FSIP2: variants seen among roughly 807,000 people sequenced by gnomAD.
The protein encoded by FSIP2 is fibrous sheath-interacting protein 2.
FSIP2 carries 367 observed loss-of-function variants against 510.5 expected under a neutral mutation model. That is an observed-to-expected ratio of 0.72 (90% CI 0.66 to 0.78). FSIP2 has a LOEUF of 0.78. Ranked by LOEUF, FSIP2 falls within the 30% of genes least tolerant of loss-of-function variation. FSIP2 has a pLI of 0.00. For missense variants in FSIP2, 7,594 were observed against 7,901.7 expected (o/e 0.96, Z 1.48); for synonymous variants, 2,601 against 2,732.2 (o/e 0.95, Z 1.50).
Position 185,805,096 on chromosome 2 carries a change from A to G in FSIP2, c.15790A>G (p.Lys5264Glu). ...TGTCTCTGAACTTGCTAAATCTGGT[A>G]AAGAAAAGACACAGCCTTCTCTCTA... ...DHVSELAKSG[K>E]EKTQPSLYSA... Residue 5264 changes from lysine to glutamate, a missense_variant, in exon 17 of 23, where the codon AAA becomes GAA. Lys to Glu is a moderately conservative substitution (Grantham distance 56). Transcript: ENST00000424728. 2 of 1,606,184 alleles carry G rather than the reference A, an allele frequency of 1.2e-6. No individual in the cohort carries two copies. The highest frequency in any genetic ancestry group is 1.7e-6 in the Non-Finnish European group (2 of 1,177,012).
rs745766639 is a variant in FSIP2 at position 185,789,819 on chromosome 2, AT to A, written c.2689del (p.Ser897ProfsTer9). 4 of 1,533,234 alleles carry A rather than the reference AT, an allele frequency of 2.6e-6. No individual in the cohort carries two copies. The highest frequency in any genetic ancestry group is 2.5e-5 in the East Asian group (1 of 40,810). The allele number at this position is 1,533,234 out of a possible 1,614,324, so 95.0% of individuals were successfully genotyped here. A position where few individuals can be genotyped will look rare whatever the true frequency, so the allele number is the denominator to read the frequency against. On this transcript the variant is annotated frameshift_variant, in exon 16 of 23. Transcript: ENST00000424728. LOFTEE classifies it high-confidence loss of function. ...NEEVQNLISN[I>X]FSQSSLVAYI... ...AGAAGTACAAAATTTAATATCAAAT[AT>A]TTTTTCCCAGTCTTCTTTGGTTGCT...
intron 13 of FSIP2, among the ~76,000 whole-genome samples, chr2:185,770,519 C>T (rs74434604): frequency 7.2e-5 from 11 of 152,234 alleles, no homozygotes; most frequent in Non-Finnish European, 1.3e-4. Flanking sequence ...AATCAGAACT[C>T]AGAGTGAGAA....
At chr2:185,739,022 C>T (rs1443964644) in intron 1 of FSIP2, 29 bp downstream of exon 1, 16 of 1,523,816 alleles carry the variant, frequency 1.0e-5, no homozygotes, top group South Asian at 6.0e-5. Context: ...GGCGGCGTCG[C>T]CCTCTGGCGG....
intron 14 of FSIP2, among the ~76,000 whole-genome samples, chr2:185,784,428 C>G (rs1692920383): frequency 6.6e-6 from 1 of 152,116 alleles, no homozygotes; most frequent in South Asian, 2.1e-4. Flanking sequence ...CAATGAATAA[C>G]TTTGACACCA....
chr2:185,762,722 C>T (rs975717172), intron 11 of FSIP2, among the ~76,000 whole-genome samples: 1 of 151,382 alleles, frequency 6.6e-6, no homozygotes, highest in Non-Finnish European at 1.5e-5. Flanking sequence ...CCCTTGTTTT[C>T]TCCATTCTTC....
At position 185,797,036 on chromosome 2, in the gene FSIP2, A is replaced by G; in HGVS notation, c.9900A>G (p.Leu3300=). ...SFIEMGKGEN[L]RVFHYENLKP... ...TAGAAATGGGAAAAGGTGAAAATCT[A>G]AGAGTGTTTCATTATGAGAACCTAA... Residue 3300 remains leucine, a synonymous_variant, in exon 16 of 23, where the codon CTA becomes CTG. Transcript: ENST00000424728. 2.0e-6 allele frequency: 3 copies of G among 1,535,180 alleles called. No individual in the cohort carries two copies. Among genetic ancestry groups the G allele is most frequent in the Non-Finnish European group, 2.6e-6 (3 of 1,146,234 alleles).
rs898954752 is a variant in FSIP2, at chr2:185,824,324, T to C, written c.20427-110T>C. On this transcript the variant is annotated intron_variant, in intron 19 of 22. Transcript: ENST00000424728. ...TGATTTGGAATCTCAGTGAATAGTA[T>C]ACTATTTCAGGTTTCTTTCCATATG... The C allele has an allele frequency of 7.5e-5, 55 of 731,472 alleles. No homozygotes were observed. In the Middle Eastern group the frequency reaches 1.5e-3, roughly 20 times the overall value. 45.3% of individuals were successfully genotyped at this position (731,472 alleles called of 1,614,324 possible).
At chr2:185,830,006 A>G (rs1694078737) in intron 21 of FSIP2, among the ~76,000 whole-genome samples, 1 of 151,918 alleles carries the variant, frequency 6.6e-6, no homozygotes, top group Non-Finnish European at 1.5e-5. Flanking sequence ...TCTTAATAGT[A>G]GTGCACACAT....
At position 185,815,491 on chromosome 2, in the gene FSIP2, T is replaced by A; in HGVS notation, c.20426+20T>A. On this transcript the variant is annotated intron_variant, in intron 19 of 22. Transcript: ENST00000424728. The stretch of plus-strand genomic sequence containing the variant: ...TACTGGGTATATGAAATTAAAGCAG[T>A]AGAAATATAGAAATCTGATAAAGTA... 9.2e-7 allele frequency: 1 copy of A among 1,083,646 alleles called. No individual in the cohort carries two copies. The highest frequency in any genetic ancestry group is 1.4e-6 in the Non-Finnish European group (1 of 739,836). 67.1% of individuals were successfully genotyped at this position (1,083,646 alleles called of 1,614,324 possible).
At chr2:185,768,233 T>C (rs1692536166) in intron 13 of FSIP2, among the ~76,000 whole-genome samples, 1 of 152,164 alleles carries the variant, frequency 6.6e-6, no homozygotes, top group South Asian at 2.1e-4. Flanking sequence ...TTTCTCACTT[T>C]ATTGTTTTAC....
rs1207843459 is a variant in FSIP2 at position 185,794,842 on chromosome 2, A to C, written c.7706A>C (p.Glu2569Ala). 6.5e-7 allele frequency: 1 copy of C among 1,531,912 alleles called. No individual in the cohort carries two copies. Among genetic ancestry groups the C allele is most frequent in the South Asian group, 1.2e-5 (1 of 83,638 alleles). 94.9% of individuals were successfully genotyped at this position (1,531,912 alleles called of 1,614,324 possible). ...AATAATAAAAGTAGGACAGAAGTTG[A>C]AATATCTGACCACAATGATTCCTTA... ...YENNKSRTEV[E>A]ISDHNDSLLM... Residue 2569 changes from glutamate to alanine, a missense_variant, in exon 16 of 23, where the codon GAA (glutamate) becomes GCA (alanine). Transcript: ENST00000424728.
intron 15 of FSIP2, among the ~76,000 whole-genome samples, chr2:185,787,609 A>C (rs1357874416): frequency 6.6e-6 from 1 of 151,800 alleles, no homozygotes; most frequent in Non-Finnish European, 1.5e-5. Flanking sequence ...ACTTTATTAT[A>C]TGTAAGATGA....
intron 14 of FSIP2, among the ~76,000 whole-genome samples, chr2:185,783,273 T>A (rs1334813731): frequency 6.6e-6 from 1 of 152,192 alleles, no homozygotes; most frequent in African/African-American, 2.4e-5. Flanking sequence ...GCCCAGGGAC[T>A]TTTCATTCTT....
chr2:185,803,978 C>T lies in FSIP2; in HGVS notation c.14672C>T (p.Pro4891Leu). ...GATAAAAAGAGCATAAGTGACATAC[C>T]TGTTTCAAAAATAGCGAGTTTTATA... The part of the protein sequence containing the change: ...TKDKKSISDI[P>L]VSKIASFIIK... Residue 4891 changes from proline to leucine, a missense_variant, in exon 17 of 23, where the codon CCT becomes CTT. By Grantham distance (98) the Pro-to-Leu change is moderately conservative. Coordinates refer to ENST00000424728, the MANE Select transcript of FSIP2 (RefSeq NM_173651.4). The T allele has an allele frequency of 6.7e-7, 1 of 1,496,498 alleles. No individual in the cohort carries two copies. Among genetic ancestry groups the T allele is most frequent in the South Asian group, 1.3e-5 (1 of 78,866 alleles). 92.7% of individuals were successfully genotyped at this position (1,496,498 alleles called of 1,614,324 possible). A position where few individuals can be genotyped will look rare whatever the true frequency, so the allele number is the denominator to read the frequency against.
Position 185,802,221 on chromosome 2 carries a change from T to G in FSIP2, c.12915T>G (p.Leu4305=). ...AGCAATCACCTTTAGATATTCACCT[T>G]GATTCATTTGTAAGGGAGATTGTTG... ...PQKQSPLDIH[L]DSFVREIVAR... Residue 4305 remains leucine (L), a synonymous_variant, in exon 17 of 23, where the codon CTT becomes CTG. Transcript: ENST00000424728. 1 of 1,533,672 alleles carries G rather than the reference T, an allele frequency of 6.5e-7. No homozygotes were observed. The highest frequency in any genetic ancestry group is 8.7e-7 in the Non-Finnish European group (1 of 1,145,268).
rs1336345061 is a variant in FSIP2 at position 185,804,370 on chromosome 2, C to A, written c.15064C>A (p.Gln5022Lys). The A allele has an allele frequency of 2.0e-6, 3 of 1,498,108 alleles. No individual in the cohort carries two copies. Among genetic ancestry groups the A allele is most frequent in the South Asian group, 1.3e-5 (1 of 77,690 alleles). The allele number at this position is 1,498,108 out of a possible 1,614,324, so 92.8% of individuals were successfully genotyped here. ...CTCAGAAAGATACAAAGAAATGGTT[C>A]AAAAAATAGTCAACTCAGTATATGG... ...CFSERYKEMV[Q>K]KIVNSVYGKV... The change falls in exon 17 of 23, where the codon CAA (glutamine) becomes AAA (lysine). Residue 5022 changes from glutamine (Q) to lysine (K), a missense_variant. By Grantham distance (53) the Gln-to-Lys change is moderately conservative (BLOSUM62 1). Coordinates refer to ENST00000424728, the MANE Select transcript of FSIP2 (RefSeq NM_173651.4).
chr2:185,812,983 G>T (rs1383820224), intron 17 of FSIP2, among the ~76,000 whole-genome samples: 1 of 151,968 alleles, frequency 6.6e-6, no homozygotes, highest in Non-Finnish European at 1.5e-5. Context: ...TGGAAACTGA[G>T]ATTTAACTTA....
In FSIP2 at chr2:185,803,122, G is replaced by A. The variant is rs531367093; in HGVS notation, c.13816G>A (p.Asp4606Asn). The A allele has an allele frequency of 3.9e-6, 6 of 1,520,386 alleles. No homozygotes were observed. In the African/African-American group the frequency reaches 8.3e-5, roughly 21 times the overall value. 94.2% of individuals were successfully genotyped at this position (1,520,386 alleles called of 1,614,324 possible). ...KSLSSSDTYF[D>N]DERRQLFYTS... Reference sequence around the variant, plus strand: ...ATTATCTTCATCAGACACATATTTTGATGATGAGAGAAGGCAGTTATTTTA... The same window carrying A: ...ATTATCTTCATCAGACACATATTTTAATGATGAGAGAAGGCAGTTATTTTA... Residue 4606 changes from aspartate (D) to asparagine (N), a missense_variant, in exon 17 of 23, where the codon GAT becomes AAT. Physicochemically the swap from Asp to Asn is conservative, Grantham distance 23. Coordinates refer to ENST00000424728, the MANE Select transcript of FSIP2 (RefSeq NM_173651.4).
chr2:185,830,545 A>T (rs907657062), intron 21 of FSIP2, among the ~76,000 whole-genome samples: 1 of 151,920 alleles, frequency 6.6e-6, no homozygotes, highest in Admixed American at 6.6e-5. Context: ...ACCTACACAC[A>T]TCCTCCCATA....
Sources: gnomAD v4.1 joint callset for allele counts (sites outside exome capture counted in the v4.1 genomes callset) on GRCh38, gnomAD v4.1.1 for gene constraint, MANE v1.5 for transcripts, NCBI Gene and HGNC (gene_info 2026-07-23, HGNC 2026-07-21) for gene names.